Variants in EDIL3 observed in about 807,000 individuals in gnomAD.
EDIL3 encodes the protein EGF like and discoidin domains 3.
In EDIL3, 37 loss-of-function variants were observed where a neutral mutation model predicts 67.4. The ratio of observed to expected loss-of-function variants is 0.55; its 90% CI spans 0.42 to 0.72. EDIL3 has a LOEUF of 0.72. Among genes scored for constraint, EDIL3 ranks in the 30% least tolerant of loss-of-function variants. The probability of loss-of-function intolerance (pLI) is 0.00; values close to 1 mark genes in which losing one functional copy is unlikely to be tolerated. For synonymous variants in EDIL3, 195 were observed against 196.3 expected (o/e 0.99, Z 0.05); for missense variants, 527 against 586.3 (o/e 0.90, Z 1.04).
At chr5:84,225,099 T>C (rs1335693747) in intron 3 of EDIL3, among the ~76,000 whole-genome samples, 1 of 151,590 alleles carries the variant, frequency 6.6e-6, no homozygotes, top group Admixed American at 6.6e-5. Flanking sequence ...AAGAAGCAGG[T>C]GTTAACTGAA....
At chr5:84,193,335 C>G (rs925563835) in intron 3 of EDIL3, among the ~76,000 whole-genome samples, 3 of 151,626 alleles carry the variant, frequency 2.0e-5, no homozygotes, top group African/African-American at 7.3e-5. Flanking sequence ...AGAGAAGGGT[C>G]GAAGAAGACT....
chr5:84,072,222 A>G (rs1156726140), intron 6 of EDIL3, among the ~76,000 whole-genome samples: 1 of 152,130 alleles, frequency 6.6e-6, no homozygotes, highest in Non-Finnish European at 1.5e-5. Context: ...TACAAATTAT[A>G]TCATAGCAAA....
intron 2 of EDIL3, among the ~76,000 whole-genome samples, chr5:84,234,886 A>T (rs902900430): frequency 6.6e-6 from 1 of 152,156 alleles, no homozygotes; most frequent in Non-Finnish European, 1.5e-5. Context: ...ACAATGTTTT[A>T]TTCAACTGCA....
At chr5:84,237,515 A>G (rs1325834474) in intron 2 of EDIL3, among the ~76,000 whole-genome samples, 1 of 152,168 alleles carries the variant, frequency 6.6e-6, no homozygotes, top group African/African-American at 2.4e-5. Context: ...GTAAATGGAT[A>G]TGGCATAATT....
At chr5:84,024,599 G>C (rs1745779164) in intron 9 of EDIL3, among the ~76,000 whole-genome samples, 1 of 152,208 alleles carries the variant, frequency 6.6e-6, no homozygotes, top group East Asian at 1.9e-4. Context: ...GGGAGAAAGG[G>C]CACTGACAAG....
intron 3 of EDIL3, chr5:84,196,933 T>G (rs1370988128): frequency 6.6e-6 from 1 of 151,948 alleles, no homozygotes; most frequent in African/African-American, 2.4e-5. Flanking sequence ...ACAGAGAATA[T>G]TAGTATGGTT....
At chr5:83,986,100 T>C (rs1745053731) in intron 9 of EDIL3, among the ~76,000 whole-genome samples, 1 of 152,144 alleles carries the variant, frequency 6.6e-6, no homozygotes. Flanking sequence ...TAAGCATGTA[T>C]ACAAAGTGTT....
intron 9 of EDIL3, among the ~76,000 whole-genome samples, chr5:83,986,158 A>G (rs1000550350): frequency 3.9e-5 from 6 of 152,136 alleles, no homozygotes; most frequent in Non-Finnish European, 8.8e-5. Flanking sequence ...ATAATTAACA[A>G]ACCACTTCAA....
At chr5:84,223,769 C>T (rs1168629203) in intron 3 of EDIL3, among the ~76,000 whole-genome samples, 2 of 151,400 alleles carry the variant, frequency 1.3e-5, no homozygotes, top group East Asian at 1.9e-4. Context: ...ATTGTCAGTG[C>T]TCTTACCACA....
intron 3 of EDIL3, among the ~76,000 whole-genome samples, chr5:84,225,026 G>T (rs1744421749): frequency 6.6e-6 from 1 of 151,460 alleles, no homozygotes; most frequent in African/African-American, 2.4e-5. Flanking sequence ...AATAAAACAA[G>T]ATGTTTAAAT....
At chr5:84,194,525 G>A (rs1743659338) in intron 3 of EDIL3, among the ~76,000 whole-genome samples, 1 of 151,838 alleles carries the variant, frequency 6.6e-6, no homozygotes, top group African/African-American at 2.4e-5. Flanking sequence ...TGAAAATGTA[G>A]ACTCAAATAT....
chr5:84,315,983 A>T (rs1250046776), intron 1 of EDIL3, among the ~76,000 whole-genome samples: 1 of 152,186 alleles, frequency 6.6e-6, no homozygotes, highest in African/African-American at 2.4e-5. Context: ...AGAATTTTCA[A>T]CCCAGAATTT....
intron 3 of EDIL3, among the ~76,000 whole-genome samples, chr5:84,185,171 G>A (rs1319404216): frequency 1.3e-5 from 2 of 152,092 alleles, no homozygotes; most frequent in Non-Finnish European, 2.9e-5. Flanking sequence ...TAACTATAAA[G>A]TCTATGCCCT....
chr5:84,072,493 C>T (rs904369124), intron 6 of EDIL3, among the ~76,000 whole-genome samples: 2 of 152,090 alleles, frequency 1.3e-5, no homozygotes, highest in Non-Finnish European at 2.9e-5. Flanking sequence ...ATGTTTATAT[C>T]TATGAGACTA....
intron 1 of EDIL3, among the ~76,000 whole-genome samples, chr5:84,383,929 G>A (rs568617018): frequency 1.5e-4 from 23 of 152,162 alleles, no homozygotes; most frequent in African/African-American, 5.5e-4. Flanking sequence ...GCTCCCGCCC[G>A]CACGAAAGCC....
chr5:84,303,001 G>A (rs1418408834), intron 1 of EDIL3, among the ~76,000 whole-genome samples: 1 of 152,190 alleles, frequency 6.6e-6, no homozygotes, highest in African/African-American at 2.4e-5. Context: ...GTTCTAAAGA[G>A]AATCATTCCA....
Position 84,346,345 on chromosome 5 carries a change from T to C in EDIL3, c.67+37963A>G, listed in dbSNP as rs557152047. ...TGTTAATATTACTCCTCTGCCATCA[T>C]AGCACAAATGCAGCCAGTGACGATA... is the stretch of plus-strand genomic sequence containing the variant. On this transcript the variant is annotated intron_variant, in intron 1 of 10. Transcript: ENST00000296591. Among the ~76,000 whole-genome samples the C allele has an allele frequency of 1.6e-4, 25 of 152,178 alleles. No homozygotes were observed. The East Asian group carries it at 4.8e-3, about 29-fold the overall frequency.
intron 1 of EDIL3, among the ~76,000 whole-genome samples, chr5:84,355,262 G>A (rs568327631): frequency 4.0e-5 from 6 of 151,248 alleles, no homozygotes; most frequent in Admixed American, 2.0e-4. Flanking sequence ...CCTTTCTTCC[G>A]CTTGATTAAT....
intron 4 of EDIL3, among the ~76,000 whole-genome samples, chr5:84,146,965 G>T (rs1205429188): frequency 6.6e-6 from 1 of 151,870 alleles, no homozygotes; most frequent in Non-Finnish European, 1.5e-5. Context: ...ACCACCAAGG[G>T]CAAACACCAG....
Sources: gnomAD v4.1 joint callset for allele counts (sites outside exome capture counted in the v4.1 genomes callset) on GRCh38, gnomAD v4.1.1 for gene constraint, MANE v1.5 for transcripts, NCBI Gene and HGNC (gene_info 2026-07-23, HGNC 2026-07-21) for gene names.